The following SCARA5 variants were observed in gnomAD, a reference collection of about 807,000 sequenced individuals.
The protein encoded by SCARA5 is scavenger receptor class A member 5.
A neutral mutation model predicts 46.3 loss-of-function variants in SCARA5; 45 were observed. The ratio of observed to expected loss-of-function variants is 0.97; its 90% CI spans 0.76 to 1.24. The LOEUF is 1.24. Among genes scored for constraint, SCARA5 ranks in the 50% most tolerant of loss-of-function variants. SCARA5 has a pLI of 0.00. For synonymous variants in SCARA5, 333 were observed against 306.5 expected, an observed-to-expected ratio of 1.09 and a Z score of -0.90; for missense variants, 680 against 689.0, an observed-to-expected ratio of 0.99 and a Z score of 0.15.
chr8:27,953,848 AT>A (rs577148526), intron 3 of SCARA5, among the ~76,000 whole-genome samples: 26 of 149,718 alleles, frequency 1.7e-4, no homozygotes, highest in Middle Eastern at 7.0e-3. Flanking sequence ...AAGGTTGAAG[AT>A]TTTTTTTTTT....
At chr8:27,891,379 T>C (rs1303505260) in intron 7 of SCARA5, among the ~76,000 whole-genome samples, 1 of 152,042 alleles carries the variant, frequency 6.6e-6, no homozygotes, top group Admixed American at 6.6e-5. Flanking sequence ...CTACTTTTTG[T>C]ATTTTTAGTA....
chr8:27,966,484 G>A lies in SCARA5; in HGVS notation c.171C>T (p.Ala57=). 1 of 1,613,854 alleles carries A rather than the reference G, an allele frequency of 6.2e-7. No individual in the cohort carries two copies. Among genetic ancestry groups the A allele is most frequent in the Non-Finnish European group, 8.5e-7 (1 of 1,179,912 alleles). Residue 57 remains alanine (A), a synonymous_variant, in exon 3 of 9, where the codon GCC becomes GCT. Coordinates refer to ENST00000354914, the MANE Select transcript of SCARA5 (RefSeq NM_173833.6). ...AGAGCCCCAGGACAGCATGCTTCAG[G>A]GCCGACAGGGACCCCAGCTGGGTAC... ...ICCTQLGSLS[A]LKHAVLGLYL... is the part of the protein sequence containing the mutation.
chr8:27,991,817 C>T (rs1032681261), intron 1 of SCARA5, among the ~76,000 whole-genome samples: 1 of 151,942 alleles, frequency 6.6e-6, no homozygotes, highest in African/African-American at 2.4e-5. Flanking sequence ...ATATATCCCA[C>T]CACTGGCACA....
At chr8:27,904,534 C>G (rs1807219033) in intron 7 of SCARA5, 1 of 564,892 alleles carries the variant, frequency 1.8e-6, no homozygotes, top group Admixed American at 2.9e-5. Context: ...CCGGGGGAAG[C>G]CTCCAGATCC....
At chr8:27,885,554 G>T (rs1806881839) in intron 7 of SCARA5, among the ~76,000 whole-genome samples, 1 of 152,204 alleles carries the variant, frequency 6.6e-6, no homozygotes, top group Non-Finnish European at 1.5e-5. Flanking sequence ...CATTAATATG[G>T]ACCCAGATGG....
intron 3 of SCARA5, among the ~76,000 whole-genome samples, chr8:27,949,713 G>A (rs1449315317): frequency 6.6e-6 from 1 of 152,184 alleles, no homozygotes; most frequent in Non-Finnish European, 1.5e-5. Context: ...GGAAACTCAC[G>A]CCCACGGTAC....
intron 2 of SCARA5, among the ~76,000 whole-genome samples, chr8:27,984,787 C>A (rs1008640612): frequency 3.3e-5 from 5 of 152,090 alleles, no homozygotes; most frequent in Non-Finnish European, 5.9e-5. Context: ...ATTCATCCAT[C>A]CATTCACCCA....
intron 1 of SCARA5, among the ~76,000 whole-genome samples, chr8:27,990,167 C>T (rs113756895): frequency 9.8e-5 from 15 of 152,326 alleles, no homozygotes; most frequent in African/African-American, 3.4e-4. Flanking sequence ...CCTTCCTCCT[C>T]CCCACCCCTC....
intron 3 of SCARA5, among the ~76,000 whole-genome samples, chr8:27,940,690 C>T (rs1327983710): frequency 2.2e-5 from 3 of 138,070 alleles, no homozygotes; most frequent in African/African-American, 8.0e-5. Context: ...ATCTGTCCAT[C>T]TATCCACCCA....
rs4383927 is a variant in SCARA5 at position 27,870,634 on chromosome 8, T to C, written c.*1300A>G. 0.9 allele frequency: 136,259 copies of C among 152,090 alleles called. 61,365 individuals carry two copies. Among genetic ancestry groups the C allele is most frequent in the East Asian group, 1 (5,139 of 5,140 alleles). The allele number at this position is 152,090 out of a possible 1,614,324, so 9.4% of individuals were successfully genotyped here. A position where few individuals can be genotyped will look rare whatever the true frequency, so the allele number is the denominator to read the frequency against. ...AGGTAGCTCCCCTAGTTCTTGAACA[T>C]GTGTATGGCCCAGTTCTGCTCCTCA... On this transcript the variant is annotated 3_prime_UTR_variant, in exon 9 of 9. Transcript: ENST00000354914.
Position 27,932,845 on chromosome 8 carries a change from G to A in SCARA5, c.242-10600C>T, listed in dbSNP as rs550117473. The stretch of plus-strand genomic sequence containing the variant: ...AGGGTTTCATCATATTGGCCAGGGT[G>A]GGCTCGAACTCCTGACCTCAGATGA... On this transcript the variant is annotated intron_variant, in intron 3 of 8. Transcript: ENST00000354914. 3.9e-5 allele frequency among the ~76,000 whole-genome samples: 6 copies of A among 152,284 alleles called. No homozygotes were observed. The South Asian group carries it at 1.2e-3, about 32-fold the overall frequency.
chr8:27,878,136 G>A (rs1432846437), intron 8 of SCARA5, among the ~76,000 whole-genome samples: 2 of 152,174 alleles, frequency 1.3e-5, no homozygotes, highest in East Asian at 1.9e-4. Flanking sequence ...CCATCCACAG[G>A]TCACCAGGGG....
At chr8:27,967,003 C>A (rs527984397) in intron 2 of SCARA5, among the ~76,000 whole-genome samples, 1 of 152,184 alleles carries the variant, frequency 6.6e-6, no homozygotes, top group East Asian at 1.9e-4. Flanking sequence ...GGGAGGCCAA[C>A]GGCACGTGCC....
chr8:27,934,909 C>T (rs776700797), intron 3 of SCARA5, among the ~76,000 whole-genome samples: 6 of 152,240 alleles, frequency 3.9e-5, no homozygotes, highest in African/African-American at 1.4e-4. Flanking sequence ...CCAGTTTGGG[C>T]CATCTTACTA....
intron 7 of SCARA5, among the ~76,000 whole-genome samples, chr8:27,901,134 A>T (rs1336389795): frequency 6.6e-6 from 1 of 152,172 alleles, no homozygotes; most frequent in East Asian, 1.9e-4. Flanking sequence ...GTGGACTCAG[A>T]TGGGTCCTGA....
At chr8:27,973,135 T>C (rs1282918398) in intron 2 of SCARA5, among the ~76,000 whole-genome samples, 1 of 152,186 alleles carries the variant, frequency 6.6e-6, no homozygotes, top group African/African-American at 2.4e-5. Flanking sequence ...TGACAAACTC[T>C]AATTGGCTGG....
At chr8:27,941,623 T>A (rs1340613109) in intron 3 of SCARA5, among the ~76,000 whole-genome samples, 1 of 152,006 alleles carries the variant, frequency 6.6e-6, no homozygotes, top group East Asian at 1.9e-4. Context: ...GTTATTAACA[T>A]CCTTTCCATG....
At chr8:27,982,824 T>A (rs2129977286) in intron 2 of SCARA5, among the ~76,000 whole-genome samples, 1 of 151,586 alleles carries the variant, frequency 6.6e-6, no homozygotes, top group Non-Finnish European at 1.5e-5. Context: ...CACCCAACAG[T>A]CCCTCCTCTT....
In SCARA5 at chr8:27,938,643, A is replaced by G. The variant is rs145276331; in HGVS notation, c.242-16398T>C. 3.3e-3 allele frequency among the ~76,000 whole-genome samples: 504 copies of G among 152,308 alleles called. 2 individuals are homozygous for G. The highest frequency in any genetic ancestry group is 0.01 in the African/African-American group (422 of 41,562). On this transcript the variant is annotated intron_variant, in intron 3 of 8. Transcript: ENST00000354914. ...CAATGCAGGAAAGCCTCTGCCTACAATGAATCAGTACACGGAGAGAGATGG... is the reference window on the plus strand; with the variant it reads ...CAATGCAGGAAAGCCTCTGCCTACAGTGAATCAGTACACGGAGAGAGATGG...
Sources: allele counts gnomAD v4.1 joint callset (sites outside exome capture counted in the v4.1 genomes callset), GRCh38; gene constraint gnomAD v4.1.1; transcripts MANE v1.5; gene names NCBI Gene and HGNC (gene_info 2026-07-23, HGNC 2026-07-21).